The following SLC68A1 variants were observed in gnomAD, a reference collection of about 807,000 sequenced individuals.
The protein encoded by SLC68A1 is solute carrier family 68 member 1.
the SLC68A1 span, chr10:102,472,755 G>C: frequency 2.3e-6 from 2 of 867,510 alleles, no homozygotes; most frequent in Middle Eastern, 4.4e-4. Flanking sequence ...CTGCTCTGAG[G>C]ATGGGGAGTT....
chr10:102,467,785 T>C, the SLC68A1 span, among the ~76,000 whole-genome samples: 1 of 152,138 alleles, frequency 6.6e-6, no homozygotes, highest in South Asian at 2.1e-4. Context: ...GCCTCCCTAG[T>C]AGCTGGGATT....
chr10:102,474,239 T>C, the SLC68A1 span, among the ~76,000 whole-genome samples: 5 of 152,232 alleles, frequency 3.3e-5, no homozygotes, highest in Non-Finnish European at 1.5e-5. Flanking sequence ...CTGCAGGTCC[T>C]GCTGTGGGTG....
the SLC68A1 span, chr10:102,468,918 T>G: frequency 1.2e-6 from 1 of 849,720 alleles, no homozygotes; most frequent in Non-Finnish European, 1.8e-6. Context: ...CAGAGCTGGC[T>G]CTGATCCCTG....
the SLC68A1 span, among the ~76,000 whole-genome samples, chr10:102,474,351 G>C: frequency 6.6e-6 from 1 of 152,142 alleles, no homozygotes; most frequent in Admixed American, 6.6e-5. Context: ...ATCCAAACAA[G>C]ACATTATCAG....
the SLC68A1 span, chr10:102,476,148 G>A: frequency 8.1e-7 from 1 of 1,234,026 alleles, no homozygotes; most frequent in East Asian, 2.9e-5. Flanking sequence ...TGGGCTCACT[G>A]AAACCACCAC....
the SLC68A1 span, chr10:102,472,105 A>G: frequency 2.2e-6 from 1 of 449,054 alleles, no homozygotes; most frequent in Non-Finnish European, 4.5e-6. Flanking sequence ...CGAGGCTGCA[A>G]TGAGTTATGA....
At chr10:102,473,759 C>A in the SLC68A1 span, 5 of 1,609,362 alleles carry the variant, frequency 3.1e-6, no homozygotes, top group Middle Eastern at 1.7e-4. Flanking sequence ...CCTGCCCACG[C>A]TCCCCGCAAC....
the SLC68A1 span, among the ~76,000 whole-genome samples, chr10:102,469,485 C>T: frequency 1.4e-3 from 207 of 152,048 alleles, no homozygotes; most frequent in Middle Eastern, 0.01. Context: ...ATACATTTAC[C>T]AGCTGGGCCC....
At chr10:102,475,296 T>TC in the SLC68A1 span, among the ~76,000 whole-genome samples, 1 of 105,264 alleles carries the variant, frequency 9.5e-6, no homozygotes, top group Non-Finnish European at 2.1e-5. Context: ...ACTCCCTCTT[T>TC]CCAAAAAAAA....
chr10:102,467,847 G>A, the SLC68A1 span, among the ~76,000 whole-genome samples: 1 of 151,992 alleles, frequency 6.6e-6, no homozygotes, highest in Non-Finnish European at 1.5e-5. Context: ...TAGTAGAGAC[G>A]GGGTTTCACC....
chr10:102,470,586 C>A, the SLC68A1 span: 1 of 1,548,506 alleles, frequency 6.5e-7, no homozygotes. Flanking sequence ...TCCATCCCTC[C>A]CCTGGGGCCT....
chr10:102,476,481 A>C, the SLC68A1 span: 2 of 984,890 alleles, frequency 2.0e-6, no homozygotes, highest in East Asian at 2.3e-4. Flanking sequence ...CTGGGAATAC[A>C]GGCATGAGCC....
At chr10:102,468,906 A>C in the SLC68A1 span, 1 of 749,470 alleles carries the variant, frequency 1.3e-6, no homozygotes, top group Non-Finnish European at 2.1e-6. Flanking sequence ...TGGGGTTAAG[A>C]ACAGAGCTGG....
At chr10:102,463,560 T>G in the SLC68A1 span, among the ~76,000 whole-genome samples, 1 of 144,054 alleles carries the variant, frequency 6.9e-6, no homozygotes. Flanking sequence ...AGAGAACACG[T>G]GATTGGGTGT....
At chr10:102,471,991 A>G in the SLC68A1 span, 1 of 455,984 alleles carries the variant, frequency 2.2e-6, no homozygotes, top group Non-Finnish European at 4.4e-6. Context: ...GGACCCTCTA[A>G]CAATCTTTTT....
the SLC68A1 span, chr10:102,470,595 C>T: frequency 1.9e-6 from 3 of 1,555,834 alleles, no homozygotes; most frequent in South Asian, 3.7e-5. Context: ...CCCCTGGGGC[C>T]TGGGCAAGGG....
At chr10:102,471,744 G>A in the SLC68A1 span, among the ~76,000 whole-genome samples, 3 of 147,758 alleles carry the variant, frequency 2.0e-5, no homozygotes, top group Admixed American at 2.0e-4. Context: ...GGGCAACAGA[G>A]TGAGACTCCT....
the SLC68A1 span, among the ~76,000 whole-genome samples, chr10:102,465,771 G>T: frequency 6.6e-6 from 1 of 152,294 alleles, no homozygotes; most frequent in East Asian, 1.9e-4. Context: ...TGAGGGTGGG[G>T]AGGGCAAGTG....
At chr10:102,476,974 C>T in the SLC68A1 span, 9 of 986,068 alleles carry the variant, frequency 9.1e-6, no homozygotes, top group Non-Finnish European at 1.1e-5. Flanking sequence ...AGGGCTCCCC[C>T]ACCCCCACAC....
Sources: allele counts gnomAD v4.1 joint callset (sites outside exome capture counted in the v4.1 genomes callset), GRCh38; gene constraint gnomAD v4.1.1; transcripts MANE v1.5; gene names NCBI Gene and HGNC (gene_info 2026-07-23, HGNC 2026-07-21).